Variants in TM2D1 observed in about 807,000 individuals in gnomAD.
TM2D1 encodes the protein TM2 domain-containing protein 1.
In TM2D1, 15 loss-of-function variants were observed where a neutral mutation model predicts 28.4. The ratio of observed to expected loss-of-function variants is 0.53; its 90% CI spans 0.35 to 0.81. The LOEUF (loss-of-function observed/expected upper bound fraction) is 0.81, where lower values mean the gene tolerates loss of function less well. Ranked by LOEUF, TM2D1 falls within the 40% of genes least tolerant of loss-of-function variation. The pLI is 0.01. For synonymous variants in TM2D1, 93 were observed against 96.2 expected (o/e 0.97, Z 0.20); for missense variants, 236 against 254.9 (o/e 0.93, Z 0.50).
chr1:61,691,932 A>AT (rs1553140879), intron 5 of TM2D1, among the ~76,000 whole-genome samples: 5 of 76,414 alleles, frequency 6.5e-5, no homozygotes, highest in East Asian at 4.7e-4. Flanking sequence ...AAAAAAAAAA[A>AT]ATATATATAT....
intron 2 of TM2D1, among the ~76,000 whole-genome samples, chr1:61,721,704 TCTC>T (rs963160251): frequency 6.6e-6 from 1 of 152,008 alleles, no homozygotes; most frequent in Non-Finnish European, 1.5e-5. Flanking sequence ...TTAATATTTT[TCTC>T]CTATGTTAGA....
Position 61,714,370 on chromosome 1 carries a change from G to A in TM2D1, c.239-4933C>T, listed in dbSNP as rs148291378. On this transcript the variant is annotated intron_variant, in intron 2 of 6. Transcript: ENST00000606498. ...AGCCTGGCCAACATGGTAAAACACC[G>A]TCTCTACTAAAAATAGAAAAATCAG... is the stretch of plus-strand genomic sequence containing the variant. 9.1e-3 allele frequency among the ~76,000 whole-genome samples: 1,374 copies of A among 151,794 alleles called. 21 individuals carry two copies. The highest frequency in any genetic ancestry group is 0.031 in the African/African-American group (1,274 of 41,460).
chr1:61,693,007 C>A (rs933942157), intron 5 of TM2D1, among the ~76,000 whole-genome samples: 3 of 152,136 alleles, frequency 2.0e-5, no homozygotes, highest in Non-Finnish European at 4.4e-5. Context: ...CTTTGGAAGG[C>A]TGAGGTGGGC....
Position 61,724,978 on chromosome 1 carries a change from C to T in TM2D1, c.143G>A (p.Cys48Tyr). ...TSAGGEESLK[C>Y]EDLKVGQYIC... ...ATATTGTCCCACTTTGAGGTCCTCGCACTTAAGCGACTCCTCGCCCCCGGC... is the reference window on the plus strand; with the variant it reads ...ATATTGTCCCACTTTGAGGTCCTCGTACTTAAGCGACTCCTCGCCCCCGGC... The change falls in exon 1 of 7, where the codon TGC becomes TAC. Residue 48 changes from cysteine to tyrosine, a missense_variant. This residue lies in a region of TM2D1 where 167 missense variants were observed against 162.7 expected (regional missense o/e 1.03). Coordinates refer to ENST00000606498, the MANE Select transcript of TM2D1 (RefSeq NM_032027.3). 6.2e-7 allele frequency: 1 copy of T among 1,605,364 alleles called. No homozygotes were observed. The highest frequency in any genetic ancestry group is 8.5e-7 in the Non-Finnish European group (1 of 1,173,126).
At chr1:61,688,606 CCAGCT>C (rs1286087385) in intron 5 of TM2D1, among the ~76,000 whole-genome samples, 2 of 151,774 alleles carry the variant, frequency 1.3e-5, no homozygotes, top group Non-Finnish European at 2.9e-5. Flanking sequence ...GCCTGTAGTC[CCAGCT>C]ACTCAGGAGG....
chr1:61,715,676 CAAGA>C (rs1644512282), intron 2 of TM2D1, among the ~76,000 whole-genome samples: 1 of 66,534 alleles, frequency 1.5e-5, no homozygotes, highest in South Asian at 4.8e-4. Context: ...AAAAAAAAAA[CAAGA>C]AAGAAGGAAA....
At chr1:61,698,796 G>A (rs1644381603) in intron 4 of TM2D1, 1 of 150,564 alleles carries the variant, frequency 6.6e-6, no homozygotes, top group Non-Finnish European at 1.5e-5. Flanking sequence ...TGTTGTCTCT[G>A]CTGGCCTCAA....
chr1:61,724,929 A>AT, intron 1 of TM2D1, 28 bp downstream of exon 1: 1 of 1,561,984 alleles, frequency 6.4e-7, no homozygotes, highest in Non-Finnish European at 8.7e-7. Flanking sequence ...CCTCGCCTCC[A>AT]TGGGGGGGTG....
At chr1:61,683,801 C>G (rs779051858) in intron 5 of TM2D1, 6 of 257,016 alleles carry the variant, frequency 2.3e-5, no homozygotes, top group Non-Finnish European at 4.4e-5. Context: ...CCCTTGGCTT[C>G]CCTGCCTCCT....
At chr1:61,686,435 T>C (rs112298942) in intron 5 of TM2D1, among the ~76,000 whole-genome samples, 6,558 of 151,926 alleles carry the variant, frequency 0.043, 425 homozygotes, top group African/African-American at 0.14. Context: ...GGTGGGAGGA[T>C]TGCTTGAGGC....
intron 5 of TM2D1, among the ~76,000 whole-genome samples, chr1:61,691,933 ATATATATATAT>A (rs1224278228): frequency 2.3e-4 from 19 of 83,038 alleles, no homozygotes; most frequent in South Asian, 8.9e-4. Flanking sequence ...AAAAAAAAAA[ATATATATATAT>A]ATATATATAT....
chr1:61,694,818 A>G, intron 4 of TM2D1, 48 bp from the exon 5 acceptor site: 1 of 1,183,816 alleles, frequency 8.4e-7, no homozygotes, highest in East Asian at 2.5e-5. Context: ...TCTTCTAAAT[A>G]TTAACAAACT....
At chr1:61,701,881 G>A (rs1018642205) in intron 3 of TM2D1, among the ~76,000 whole-genome samples, 1 of 152,094 alleles carries the variant, frequency 6.6e-6, no homozygotes, top group Non-Finnish European at 1.5e-5. Context: ...GGGGAATGAG[G>A]GAAAAGGAGA....
chr1:61,696,480 A>G (rs1644363462), intron 4 of TM2D1, among the ~76,000 whole-genome samples: 1 of 151,690 alleles, frequency 6.6e-6, no homozygotes, highest in Non-Finnish European at 1.5e-5. Context: ...CGGAGGTTGC[A>G]GTGAGCTGAG....
intron 2 of TM2D1, among the ~76,000 whole-genome samples, chr1:61,715,169 G>A (rs1447592023): frequency 1.3e-5 from 2 of 152,204 alleles, no homozygotes; most frequent in Non-Finnish European, 2.9e-5. Context: ...CAGAAGACAT[G>A]AGAAAATAAT....
chr1:61,685,221 A>G (rs1004996507), intron 5 of TM2D1, among the ~76,000 whole-genome samples: 1 of 152,238 alleles, frequency 6.6e-6, no homozygotes, highest in Admixed American at 6.5e-5. Context: ...GTTAGTGAAG[A>G]GTTCATGCAC....
intron 2 of TM2D1, among the ~76,000 whole-genome samples, chr1:61,711,285 G>A (rs1011665564): frequency 1.3e-5 from 2 of 148,542 alleles, no homozygotes; most frequent in East Asian, 2.0e-4. Flanking sequence ...AGCCGAGATC[G>A]CACCATTGCA....
At chr1:61,700,739 GAA>G (rs1246894873) in intron 4 of TM2D1, among the ~76,000 whole-genome samples, 193 bp downstream of exon 4, 1 of 152,068 alleles carries the variant, frequency 6.6e-6, no homozygotes, top group Non-Finnish European at 1.5e-5. Flanking sequence ...GAAAACATAG[GAA>G]AAGTCAGTAT....
chr1:61,681,513 A>C (rs1181044591), intron 6 of TM2D1, among the ~76,000 whole-genome samples, 163 bp from the exon 7 acceptor site: 1 of 152,226 alleles, frequency 6.6e-6, no homozygotes, highest in Non-Finnish European at 1.5e-5. Context: ...GATAATGCAG[A>C]TACTGGCCTT....
Sources: gnomAD v4.1 joint callset for allele counts (sites outside exome capture counted in the v4.1 genomes callset) on GRCh38, gnomAD v4.1.1 for gene constraint, gnomAD v4.1.1 regional missense constraint, MANE v1.5 for transcripts, NCBI Gene and HGNC (gene_info 2026-07-23, HGNC 2026-07-21) for gene names.